The following PCNX2 variants were observed in gnomAD, a reference collection of about 807,000 sequenced individuals.
PCNX2 encodes pecanex 2.
Under a neutral mutation model 223.8 loss-of-function variants are expected in PCNX2, and 168 were observed. The observed-to-expected ratio is 0.75, with a 90% CI of 0.66 to 0.85. PCNX2 has a LOEUF of 0.85. PCNX2 is among the 40% of genes least tolerant of loss of function. PCNX2 has a pLI of 0.00. For missense variants in PCNX2, 2,507 were observed against 2,675.5 expected (o/e 0.94, Z 1.39); for synonymous variants, 1,006 against 1,052.6 (o/e 0.96, Z 0.86).
intron 1 of PCNX2, among the ~76,000 whole-genome samples, chr1:233,272,401 A>G (rs1039763356): frequency 9.2e-5 from 14 of 152,200 alleles, no homozygotes; most frequent in Admixed American, 2.0e-4. Flanking sequence ...AATGCTCAAC[A>G]TCGCTAATGA....
chr1:233,017,225 T>G, intron 26 of PCNX2, 71 bp from the exon 27 acceptor site: 1 of 1,234,834 alleles, frequency 8.1e-7, no homozygotes, highest in Non-Finnish European at 1.1e-6. Flanking sequence ...CTCAGGAAAG[T>G]AAGAGGCATG....
intron 21 of PCNX2, among the ~76,000 whole-genome samples, chr1:233,110,786 A>C (rs1675068184): frequency 6.6e-6 from 1 of 151,106 alleles, no homozygotes; most frequent in South Asian, 2.1e-4. Context: ...CTACATATAA[A>C]GTGGTATATT....
intron 1 of PCNX2, among the ~76,000 whole-genome samples, chr1:233,279,430 T>TTA (rs1358517685): frequency 6.7e-6 from 1 of 148,992 alleles, no homozygotes; most frequent in Non-Finnish European, 1.5e-5. Context: ...TGTAAAATAT[T>TTA]TATATATATG....
At chr1:233,251,555 A>C (rs1249481010) in intron 7 of PCNX2, among the ~76,000 whole-genome samples, 1 of 152,252 alleles carries the variant, frequency 6.6e-6, no homozygotes, top group Non-Finnish European at 1.5e-5. Flanking sequence ...TTTTCCACCA[A>C]GAGAAACTGT....
Position 233,090,044 on chromosome 1 carries a change from T to C in PCNX2, c.4076+17A>G. On this transcript the variant is annotated intron_variant, in intron 23 of 33. Coordinates refer to ENST00000258229, the MANE Select transcript of PCNX2 (RefSeq NM_014801.4). ...AAACTGGAGAAAAGCAATTGAGCACTGATTTTAGGATCTTACTTGTAGTTT... is the reference window on the plus strand; with the variant it reads ...AAACTGGAGAAAAGCAATTGAGCACCGATTTTAGGATCTTACTTGTAGTTT... 6.2e-7 allele frequency: 1 copy of C among 1,613,546 alleles called. No homozygotes were observed. Among genetic ancestry groups the C allele is most frequent in the Non-Finnish European group, 8.5e-7 (1 of 1,179,708 alleles).
At chr1:233,170,278 A>C (rs1452027440) in intron 17 of PCNX2, among the ~76,000 whole-genome samples, 1 of 152,140 alleles carries the variant, frequency 6.6e-6, no homozygotes, top group African/African-American at 2.4e-5. Flanking sequence ...AATACATGAG[A>C]ATTCTCTTGC....
At chr1:233,026,601 T>A (rs539964897) in intron 25 of PCNX2, among the ~76,000 whole-genome samples, 1 of 152,130 alleles carries the variant, frequency 6.6e-6, no homozygotes, top group East Asian at 1.9e-4. Context: ...CTGGAGGAAG[T>A]GGTGAGAAAT....
the PCNX2 span, among the ~76,000 whole-genome samples, chr1:233,322,318 T>C: frequency 6.6e-6 from 1 of 152,172 alleles, no homozygotes; most frequent in Admixed American, 6.5e-5. Flanking sequence ...GCAGATGTGG[T>C]TACAGTACAT....
intron 25 of PCNX2, among the ~76,000 whole-genome samples, chr1:233,050,888 C>T (rs182782142): frequency 6.6e-6 from 1 of 152,198 alleles, no homozygotes; most frequent in Non-Finnish European, 1.5e-5. Context: ...TAAAAGACAA[C>T]CTACAGAATG....
At chr1:233,087,589 G>A (rs1673667809) in intron 23 of PCNX2, among the ~76,000 whole-genome samples, 3 of 152,202 alleles carry the variant, frequency 2.0e-5, no homozygotes, top group Non-Finnish European at 4.4e-5. Context: ...GAGCTTTCCA[G>A]AGTGTTTGTA....
chr1:233,119,584 CAAAAA>C (rs1300600439), intron 21 of PCNX2, among the ~76,000 whole-genome samples: 2 of 63,948 alleles, frequency 3.1e-5, no homozygotes, highest in East Asian at 1.0e-3. Context: ...GACCTTGTCT[CAAAAA>C]AAAAAAAACA....
chr1:233,170,721 G>C (rs747565717), intron 17 of PCNX2, among the ~76,000 whole-genome samples: 3 of 152,122 alleles, frequency 2.0e-5, no homozygotes, highest in Non-Finnish European at 4.4e-5. Flanking sequence ...AATTTACCTG[G>C]AATTGACTTT....
At chr1:233,003,333 T>C (rs959332218) in intron 28 of PCNX2, among the ~76,000 whole-genome samples, 7 of 152,090 alleles carry the variant, frequency 4.6e-5, no homozygotes, top group Non-Finnish European at 1.0e-4. Flanking sequence ...CATCAAAAAG[T>C]GAGCAAAGGA....
intron 23 of PCNX2, among the ~76,000 whole-genome samples, chr1:233,077,325 G>A (rs895644517): frequency 2.0e-5 from 3 of 152,102 alleles, no homozygotes; most frequent in African/African-American, 7.2e-5. Flanking sequence ...CTTGACTCCA[G>A]GAGCACAGGG....
chr1:233,316,960 T>C, the PCNX2 span, among the ~76,000 whole-genome samples: 1 of 152,256 alleles, frequency 6.6e-6, no homozygotes, highest in Admixed American at 6.5e-5. Context: ...CACCATTATA[T>C]TCCAAATAAC....
At chr1:233,265,165 C>G (rs1054825594) in intron 1 of PCNX2, among the ~76,000 whole-genome samples, 1 of 151,686 alleles carries the variant, frequency 6.6e-6, no homozygotes, top group Admixed American at 6.6e-5. Context: ...ACCTCTTGAG[C>G]CTAGGAGTTC....
chr1:233,168,346 C>T (rs560305493), intron 17 of PCNX2, among the ~76,000 whole-genome samples: 66 of 152,158 alleles, frequency 4.3e-4, no homozygotes, highest in African/African-American at 1.6e-3. Context: ...TTAAACCAGG[C>T]TCTAGCTATA....
intron 17 of PCNX2, 133 bp from the exon 18 acceptor site, chr1:233,161,496 TCATTGGCA>T: frequency 2.8e-6 from 2 of 708,834 alleles, no homozygotes. Flanking sequence ...CCTGACACAC[TCATTGGCA>T]CATACTGGAT....
chr1:233,008,106 C>T (rs1670348347), intron 28 of PCNX2, among the ~76,000 whole-genome samples: 1 of 152,154 alleles, frequency 6.6e-6, no homozygotes, highest in South Asian at 2.1e-4. Context: ...ATCTCACCCT[C>T]CTAATTGGTA....
Sources: allele counts gnomAD v4.1 joint callset (sites outside exome capture counted in the v4.1 genomes callset), GRCh38; gene constraint gnomAD v4.1.1; transcripts MANE v1.5; gene names NCBI Gene and HGNC (gene_info 2026-07-23, HGNC 2026-07-21).